NPHP4: variants seen among roughly 807,000 people sequenced by gnomAD.
NPHP4 encodes the protein nephrocystin 4.
In NPHP4, 151 loss-of-function variants were observed where a neutral mutation model predicts 155.8. That is an observed-to-expected ratio of 0.97 (90% CI 0.85 to 1.11). NPHP4 has a LOEUF of 1.11. Ranked by LOEUF, NPHP4 falls within the 50% of genes least tolerant of loss-of-function variation. NPHP4 has a pLI of 0.00. For missense variants in NPHP4, 1,956 were observed against 1,925.7 expected (o/e 1.02, Z -0.29); for synonymous variants, 845 against 816.8 (o/e 1.03, Z -0.59).
Position 5,863,369 on chromosome 1 carries a change from A to T in NPHP4, c.4177T>A (p.Phe1393Ile). The change falls in exon 30 of 30, where the codon TTT becomes ATT. Residue 1393 changes from phenylalanine to isoleucine, a missense_variant. Coordinates refer to ENST00000378156, the MANE Select transcript of NPHP4 (RefSeq NM_015102.5). Reference protein sequence around the residue: ...GGETYTIGLQFAPSQRVGEEE... With the variant: ...GGETYTIGLQIAPSQRVGEEE... ...TCACCCACTCTCTGACTAGGCGCAA[A>T]CTGCAAGCCGATGGTGTAGGTCTCT... 1 of 1,613,996 alleles carries T rather than the reference A, an allele frequency of 6.2e-7. No homozygotes were observed.
chr1:5,926,767 C>G (rs1487425927), intron 11 of NPHP4, among the ~76,000 whole-genome samples: 1 of 152,222 alleles, frequency 6.6e-6, no homozygotes, highest in Non-Finnish European at 1.5e-5. Context: ...CAGAAAGCAA[C>G]TCCTCCCTCG....
intron 2 of NPHP4, among the ~76,000 whole-genome samples, chr1:5,979,599 T>C (rs1654315043): frequency 6.6e-6 from 1 of 152,152 alleles, no homozygotes; most frequent in African/African-American, 2.4e-5. Flanking sequence ...GTCTGGCCAC[T>C]GCAGCCTCCA....
rs1019636165 is a variant in NPHP4, at chr1:5,888,231, C to T, written c.2305-765G>A. 6.2e-5 allele frequency: 40 copies of T among 649,902 alleles called. No individual in the cohort carries two copies. The South Asian group carries it at 1.6e-3, about 25-fold the overall frequency. The allele number at this position is 649,902 out of a possible 1,614,324, so 40.3% of individuals were successfully genotyped here. On this transcript the variant is annotated intron_variant, in intron 17 of 29. Coordinates refer to ENST00000378156, the MANE Select transcript of NPHP4 (RefSeq NM_015102.5). ...GGGCTCTTCTGCTGATCAGATTCCA[C>T]GGCTCAGCACTCTGCCCGAACGCCA...
chr1:5,988,424 A>C (rs2102473835), intron 1 of NPHP4, among the ~76,000 whole-genome samples: 1 of 152,378 alleles, frequency 6.6e-6, no homozygotes, highest in East Asian at 1.9e-4. Flanking sequence ...AATGCAAAAG[A>C]ATCCCACTCT....
At chr1:5,871,135 C>A (rs1451008258) in intron 23 of NPHP4, among the ~76,000 whole-genome samples, 1 of 152,124 alleles carries the variant, frequency 6.6e-6, no homozygotes. Flanking sequence ...CAGAGAGTGG[C>A]GAGGCAAACA....
At chr1:5,975,937 C>T (rs982430921) in intron 3 of NPHP4, among the ~76,000 whole-genome samples, 25 of 152,278 alleles carry the variant, frequency 1.6e-4, no homozygotes, top group African/African-American at 5.1e-4. Context: ...TTCTGGCCTG[C>T]GCAGCACGGA....
chr1:5,879,029 T>A (rs950485278), intron 19 of NPHP4, among the ~76,000 whole-genome samples: 2 of 152,216 alleles, frequency 1.3e-5, no homozygotes, highest in Non-Finnish European at 2.9e-5. Context: ...ACAGACTCTA[T>A]CTGCCTGGAT....
In NPHP4 at chr1:5,986,050, T is replaced by C. The variant is rs1179216807; in HGVS notation, c.135+105A>G. 3.0e-6 allele frequency: 4 copies of C among 1,337,412 alleles called. No individual in the cohort carries two copies. In the African/African-American group the frequency reaches 4.4e-5, roughly 15 times the overall value. 82.8% of individuals were successfully genotyped at this position (1,337,412 alleles called of 1,614,324 possible). ...TGGGTACCACCATAAAGTAGCAAAA[T>C]CAAAAATCAAAGCATCGTAAGCCAG... is the stretch of plus-strand genomic sequence containing the variant. On this transcript the variant is annotated intron_variant, in intron 2 of 29. Transcript: ENST00000378156.
intron 6 of NPHP4, among the ~76,000 whole-genome samples, chr1:5,956,047 G>A (rs997916045): frequency 1.1e-5 from 1 of 92,748 alleles, no homozygotes; most frequent in South Asian, 5.2e-4. Flanking sequence ...TTAACAGAAT[G>A]TTTCAAAAAG....
At chr1:5,955,633 A>C (rs968444505) in intron 6 of NPHP4, among the ~76,000 whole-genome samples, 2 of 152,276 alleles carry the variant, frequency 1.3e-5, no homozygotes, top group Non-Finnish European at 2.9e-5. Flanking sequence ...AAGTGGAATA[A>C]GCCAAGCACA....
chr1:5,866,250 G>A (rs1641207701), intron 26 of NPHP4, 123 bp downstream of exon 26: 2 of 735,606 alleles, frequency 2.7e-6, no homozygotes, highest in African/African-American at 1.7e-5. Context: ...ACAAAGCGAA[G>A]GCCCGAAAGC....
At chr1:5,871,897 T>C (rs1244193837) in intron 23 of NPHP4, among the ~76,000 whole-genome samples, 1 of 152,202 alleles carries the variant, frequency 6.6e-6, no homozygotes, top group Non-Finnish European at 1.5e-5. Context: ...AGAAAAGTCC[T>C]TATCAGTCAG....
intron 9 of NPHP4, among the ~76,000 whole-genome samples, chr1:5,940,235 T>C (rs1269755985): frequency 6.6e-6 from 1 of 152,166 alleles, no homozygotes; most frequent in African/African-American, 2.4e-5. Context: ...GTCTCGGGAA[T>C]GGGCCTCTTC....
intron 12 of NPHP4, among the ~76,000 whole-genome samples, chr1:5,908,306 C>T (rs1465620861): frequency 2.0e-5 from 3 of 152,224 alleles, no homozygotes; most frequent in African/African-American, 4.8e-5. Flanking sequence ...CACAGACTTG[C>T]GCCTTTAGGT....
intron 11 of NPHP4, among the ~76,000 whole-genome samples, chr1:5,923,152 C>CT (rs1198726928): frequency 6.6e-6 from 1 of 152,304 alleles, no homozygotes; most frequent in Non-Finnish European, 1.5e-5. Context: ...GCACACACAG[C>CT]TAGAAGACGC....
chr1:5,952,918 AGCCTCAG>A, intron 6 of NPHP4, 82 bp from the exon 7 acceptor site: 1 of 1,367,702 alleles, frequency 7.3e-7, no homozygotes. Flanking sequence ...TACCCACCCC[AGCCTCAG>A]CCGGGGCCTG....
intron 18 of NPHP4, chr1:5,880,756 T>C (rs1163058087): frequency 6.1e-6 from 1 of 163,824 alleles, no homozygotes; most frequent in African/African-American, 2.4e-5. Flanking sequence ...GGGACAAGCG[T>C]GTCTCACGGC....
In NPHP4 at chr1:5,882,134, C is replaced by A. The variant is rs1156768440; in HGVS notation, c.2486-1895G>T. On this transcript the variant is annotated intron_variant, in intron 18 of 29. Coordinates refer to ENST00000378156, the MANE Select transcript of NPHP4 (RefSeq NM_015102.5). This position sits in a 1 kb window ranked among gnomAD's most constrained non-coding sequence, Gnocchi z 5.1. The stretch of plus-strand genomic sequence containing the variant: ...GGAAGGCTGGCTGCCTCCTCCCACG[C>A]CCTAGGTGGCAACCAGAAAGGCCAG... 1 of 152,288 alleles carries A rather than the reference C, an allele frequency of 6.6e-6. No individual in the cohort carries two copies. The highest frequency in any genetic ancestry group is 1.5e-5 in the Non-Finnish European group (1 of 68,108). The allele number at this position is 152,288 out of a possible 1,614,324, so 9.4% of individuals were successfully genotyped here.
chr1:5,926,380 T>C (rs1055402096), intron 11 of NPHP4, among the ~76,000 whole-genome samples: 2 of 152,216 alleles, frequency 1.3e-5, no homozygotes, highest in African/African-American at 2.4e-5. Flanking sequence ...CTATTGTACT[T>C]TTAAGTAACT....
Sources: gnomAD v4.1 joint callset for allele counts (sites outside exome capture counted in the v4.1 genomes callset) on GRCh38, gnomAD v4.1.1 for gene constraint, Gnocchi (gnomAD v3.1) non-coding constraint, MANE v1.5 for transcripts, NCBI Gene and HGNC (gene_info 2026-07-23, HGNC 2026-07-21) for gene names.